The following C8orf34 variants were observed in gnomAD, a reference collection of about 807,000 sequenced individuals.
The protein encoded by C8orf34 is chromosome 8 open reading frame 34.
In C8orf34, 65 loss-of-function variants were observed where a neutral mutation model predicts 68.3. That is an observed-to-expected ratio of 0.95 (90% CI 0.78 to 1.17). The LOEUF (loss-of-function observed/expected upper bound fraction) is 1.17. Ranked by LOEUF, C8orf34 falls within the 50% of genes most tolerant of loss-of-function variation. The pLI, the probability that C8orf34 is intolerant of heterozygous loss-of-function variation, is 0.00. For synonymous variants in C8orf34, 244 were observed against 241.2 expected (o/e 1.01, Z -0.11); for missense variants, 664 against 655.4 (o/e 1.01, Z -0.14).
At chr8:68,657,901 T>C (rs1000068573) in intron 8 of C8orf34, among the ~76,000 whole-genome samples, 4 of 152,236 alleles carry the variant, frequency 2.6e-5, no homozygotes, top group African/African-American at 9.6e-5. Flanking sequence ...TGAGCAGTTT[T>C]CCTGGCTCGA....
chr8:68,672,703 A>G (rs1194760650), intron 8 of C8orf34, among the ~76,000 whole-genome samples: 1 of 152,176 alleles, frequency 6.6e-6, no homozygotes, highest in Non-Finnish European at 1.5e-5. Flanking sequence ...TACAAGAATG[A>G]CAATTCCTGG....
At chr8:68,603,332 C>A (rs1204331854) in intron 7 of C8orf34, among the ~76,000 whole-genome samples, 1 of 152,022 alleles carries the variant, frequency 6.6e-6, no homozygotes, top group East Asian at 1.9e-4. Context: ...TTGCACTTGG[C>A]AAGGCTATTC....
chr8:68,538,263 G>A (rs1488908081), intron 7 of C8orf34, among the ~76,000 whole-genome samples: 1 of 151,986 alleles, frequency 6.6e-6, no homozygotes, highest in Admixed American at 6.6e-5. Context: ...AGTGTGATTG[G>A]CATATGTGGT....
At chr8:68,408,938 G>A (rs1000727965) in intron 1 of C8orf34, among the ~76,000 whole-genome samples, 54 of 152,098 alleles carry the variant, frequency 3.6e-4, no homozygotes, top group African/African-American at 1.2e-3. Context: ...ACAGGCACAC[G>A]CCACCATACC....
In C8orf34 at chr8:68,498,298, G is replaced by C. The variant is rs543637649; in HGVS notation, c.765+10247G>C. Among the ~76,000 whole-genome samples the C allele has an allele frequency of 1.3e-4, 20 of 152,256 alleles. No individual in the cohort carries two copies. The East Asian group carries it at 3.7e-3, about 28-fold the overall frequency. On this transcript the variant is annotated intron_variant, in intron 5 of 13. Transcript: ENST00000518698. ...GAAAGGTAAAGAGAGGAGAAGATAG[G>C]GATAGAAGCTTGCCCTCTTAGAATT...
chr8:68,524,762 G>A (rs573487279), intron 6 of C8orf34, among the ~76,000 whole-genome samples: 1 of 152,180 alleles, frequency 6.6e-6, no homozygotes, highest in East Asian at 1.9e-4. Context: ...AACAAAAATT[G>A]AATTTAATAA....
In C8orf34 at chr8:68,631,457, A is replaced by G. The variant is rs1033184702; in HGVS notation, c.1106-8919A>G. On this transcript the variant is annotated intron_variant, in intron 7 of 13. Coordinates refer to ENST00000518698, the MANE Select transcript of C8orf34 (RefSeq NM_052958.4). Reference sequence around the variant, plus strand: ...ATTGATATGTTCCTGCATGATTATTATAATAATATCATAATTATTATAATC... The same window carrying G: ...ATTGATATGTTCCTGCATGATTATTGTAATAATATCATAATTATTATAATC... Among the ~76,000 whole-genome samples the G allele has an allele frequency of 3.3e-5, 5 of 152,228 alleles. No individual in the cohort carries two copies. In the South Asian group the frequency reaches 8.3e-4, roughly 25 times the overall value.
Position 68,504,790 on chromosome 8 carries a change from G to A in C8orf34, c.765+16739G>A, listed in dbSNP as rs150478360. On this transcript the variant is annotated intron_variant, in intron 5 of 13. Transcript: ENST00000518698. ...CACCTTCTGCATTCAAGCGATTCTC[G>A]TGCCTCAGCCTCCCAAGTAGCTGAG... Among the ~76,000 whole-genome samples, 804 of 151,056 alleles carry A rather than the reference G, an allele frequency of 5.3e-3. 6 individuals carry two copies. Among genetic ancestry groups the A allele is most frequent in the African/African-American group, 0.018 (753 of 41,126 alleles).
At chr8:68,532,027 G>T (rs1460483109) in intron 6 of C8orf34, among the ~76,000 whole-genome samples, 4 of 152,042 alleles carry the variant, frequency 2.6e-5, no homozygotes, top group African/African-American at 9.7e-5. Context: ...GATTCTCACT[G>T]GCAATACATG....
rs1292863819 is a variant in C8orf34 at position 68,588,026 on chromosome 8, A to G, written c.1106-52350A>G. On this transcript the variant is annotated intron_variant, in intron 7 of 13. Transcript: ENST00000518698. Reference sequence around the variant, plus strand: ...TTTTAAAGAGACATTTACCTACAATAGGAAAAGTCAAATTATATTTATTCA... The same window carrying G: ...TTTTAAAGAGACATTTACCTACAATGGGAAAAGTCAAATTATATTTATTCA... 2.6e-5 allele frequency among the ~76,000 whole-genome samples: 4 copies of G among 152,312 alleles called. No homozygotes were observed. The East Asian group carries it at 7.7e-4, about 29-fold the overall frequency.
intron 10 of C8orf34, among the ~76,000 whole-genome samples, chr8:68,752,740 T>C (rs1822743288): frequency 6.6e-6 from 1 of 152,174 alleles, no homozygotes; most frequent in South Asian, 2.1e-4. Context: ...GTGTATATAA[T>C]GGGTGACTGG....
At chr8:68,628,517 C>T (rs112716215) in intron 7 of C8orf34, among the ~76,000 whole-genome samples, 1,962 of 152,186 alleles carry the variant, frequency 0.013, 39 homozygotes, top group African/African-American at 0.044. Flanking sequence ...GTCTAAGTCC[C>T]GATCTGTTTT....
chr8:68,531,182 A>G (rs1815229827), intron 6 of C8orf34, among the ~76,000 whole-genome samples: 1 of 152,172 alleles, frequency 6.6e-6, no homozygotes, highest in East Asian at 1.9e-4. Context: ...CCATAATATA[A>G]TCATCATATC....
chr8:68,635,418 G>A (rs1818807419), intron 7 of C8orf34, among the ~76,000 whole-genome samples: 2 of 152,120 alleles, frequency 1.3e-5, no homozygotes, highest in Non-Finnish European at 2.9e-5. Context: ...ACATTAATAA[G>A]TCAGTGTGGT....
At chr8:68,790,640 T>TC (rs940530700) in intron 12 of C8orf34, among the ~76,000 whole-genome samples, 1 of 151,902 alleles carries the variant, frequency 6.6e-6, no homozygotes, top group Non-Finnish European at 1.5e-5. Context: ...AATAGATTTT[T>TC]TTCTTTGCTT....
chr8:68,643,868 A>T (rs1290782610), intron 8 of C8orf34, among the ~76,000 whole-genome samples: 2 of 152,236 alleles, frequency 1.3e-5, no homozygotes, highest in Non-Finnish European at 2.9e-5. Flanking sequence ...TGCAGCTGAT[A>T]ACACTGGGTC....
At chr8:68,797,675 C>G (rs1477797306) in intron 12 of C8orf34, among the ~76,000 whole-genome samples, 1 of 152,028 alleles carries the variant, frequency 6.6e-6, no homozygotes, top group African/African-American at 2.4e-5. Flanking sequence ...TCACCAGGCT[C>G]AAGATAAGGT....
chr8:68,805,449 T>G (rs1244930933), intron 12 of C8orf34, among the ~76,000 whole-genome samples: 4 of 152,264 alleles, frequency 2.6e-5, no homozygotes, highest in Non-Finnish European at 4.4e-5. Flanking sequence ...TGTCAACACC[T>G]CCTGCTATGA....
At chr8:68,345,090 T>C (rs1204050178) in intron 1 of C8orf34, among the ~76,000 whole-genome samples, 1 of 152,020 alleles carries the variant, frequency 6.6e-6, no homozygotes, top group Non-Finnish European at 1.5e-5. Context: ...AGCAGGAATT[T>C]TAATAAATAT....
Sources: gnomAD v4.1 joint callset for allele counts (sites outside exome capture counted in the v4.1 genomes callset) on GRCh38, gnomAD v4.1.1 for gene constraint, MANE v1.5 for transcripts, NCBI Gene and HGNC (gene_info 2026-07-23, HGNC 2026-07-21) for gene names.